NTRK3: variants seen among roughly 807,000 people sequenced by gnomAD.
The protein encoded by NTRK3 is NT-3 growth factor receptor.
NTRK3 carries 24 observed loss-of-function variants against 91.7 expected under a neutral mutation model. The observed-to-expected ratio is 0.26, with a 90% CI of 0.19 to 0.37. The LOEUF is 0.37. NTRK3 is among the 10% of genes least tolerant of loss of function. The pLI, the probability that NTRK3 is intolerant of heterozygous loss-of-function variation, is 1.00. For missense variants in NTRK3, 880 were observed against 1,068.9 expected, an observed-to-expected ratio of 0.82 and a Z score of 2.46; for synonymous variants, 483 against 404.0, an observed-to-expected ratio of 1.20 and a Z score of -2.34.
chr15:88,070,296 A>G (rs1312004753), intron 13 of NTRK3, among the ~76,000 whole-genome samples: 3 of 152,060 alleles, frequency 2.0e-5, no homozygotes, highest in Admixed American at 2.0e-4. Flanking sequence ...TCTACCAGAG[A>G]CAGCAAGAGC....
intron 14 of NTRK3, among the ~76,000 whole-genome samples, chr15:87,992,911 G>GT (rs1463799899): frequency 6.6e-6 from 1 of 152,184 alleles, no homozygotes; most frequent in African/African-American, 2.4e-5. Context: ...TTGAAGTCTT[G>GT]TTTTTTCAGA....
At chr15:88,152,586 A>C (rs2043487894) in intron 5 of NTRK3, among the ~76,000 whole-genome samples, 6 of 152,234 alleles carry the variant, frequency 3.9e-5, no homozygotes, top group Admixed American at 3.9e-4. Flanking sequence ...TAGCCTCCAG[A>C]ACTGTGAGGA....
At chr15:88,024,860 T>C (rs1282533696) in intron 14 of NTRK3, among the ~76,000 whole-genome samples, 1 of 152,206 alleles carries the variant, frequency 6.6e-6, no homozygotes. Flanking sequence ...ATGGACACAT[T>C]GGTTGGTACC....
chr15:87,896,125 C>T (rs1026072782), intron 17 of NTRK3, among the ~76,000 whole-genome samples: 1 of 152,110 alleles, frequency 6.6e-6, no homozygotes, highest in East Asian at 1.9e-4. Context: ...CTCATGAGGG[C>T]TGTGTCTGGC....
exon 19 of NTRK3, chr15:87,863,727 T>G (rs151132385): frequency 6.8e-4 from 156 of 228,076 alleles, no homozygotes; most frequent in African/African-American, 3.1e-3. Flanking sequence ...CCCCACCTAC[T>G]GATTTCTTTT....
intron 14 of NTRK3, among the ~76,000 whole-genome samples, chr15:87,973,253 C>G (rs2073415250): frequency 6.6e-6 from 1 of 152,152 alleles, no homozygotes; most frequent in Non-Finnish European, 1.5e-5. Flanking sequence ...GAAATCTCTT[C>G]CCTTATCAAG....
At chr15:88,027,643 A>C (rs548191108) in intron 14 of NTRK3, among the ~76,000 whole-genome samples, 3 of 152,026 alleles carry the variant, frequency 2.0e-5, no homozygotes, top group African/African-American at 7.3e-5. Flanking sequence ...CGGCCTCCCA[A>C]AGTGCTGGGA....
chr15:88,204,275 T>C (rs2048546641), intron 3 of NTRK3, among the ~76,000 whole-genome samples: 1 of 152,160 alleles, frequency 6.6e-6, no homozygotes, highest in South Asian at 2.1e-4. Flanking sequence ...CTCTCGCCAG[T>C]CTTGGGATTT....
At chr15:88,115,030 T>C (rs183229418) in intron 13 of NTRK3, among the ~76,000 whole-genome samples, 42 of 152,284 alleles carry the variant, frequency 2.8e-4, no homozygotes, top group Admixed American at 2.4e-3. Context: ...AGATAGCCAT[T>C]TGTGAGTATT....
At chr15:88,127,864 G>A (rs910470827) in intron 11 of NTRK3, among the ~76,000 whole-genome samples, 8 of 152,166 alleles carry the variant, frequency 5.3e-5, no homozygotes, top group African/African-American at 1.2e-4. Context: ...GGGAAGCTAA[G>A]TATCAATTTT....
chr15:88,136,125 C>G (rs750135469), intron 8 of NTRK3, 85 bp from the exon 9 acceptor site: 4 of 1,540,030 alleles, frequency 2.6e-6, no homozygotes, highest in African/African-American at 1.4e-5. Flanking sequence ...CTTTAGGAAT[C>G]AAAAGGAAAG....
rs769115698 is a variant in NTRK3, at chr15:88,184,315, A to C, written c.249-16T>G. Reference sequence around the variant, plus strand: ...CTCTATGTGTCTGCAGGGGAGGAGGAAAGGTAACGGTCAGCCAGAAGCAAC... The same window carrying C: ...CTCTATGTGTCTGCAGGGGAGGAGGCAAGGTAACGGTCAGCCAGAAGCAAC... On this transcript the variant is annotated splice_polypyrimidine_tract_variant and intron_variant, in intron 3 of 18. Coordinates refer to ENST00000394480, the Ensembl canonical transcript of NTRK3. 3.7e-6 allele frequency: 6 copies of C among 1,613,446 alleles called. No homozygotes were observed. Among genetic ancestry groups the C allele is most frequent in the Admixed American group, 1.7e-5 (1 of 59,990 alleles).
At chr15:88,140,324 T>C (rs1246588253) in intron 6 of NTRK3, among the ~76,000 whole-genome samples, 1 of 152,188 alleles carries the variant, frequency 6.6e-6, no homozygotes, top group Non-Finnish European at 1.5e-5. Flanking sequence ...TTTCTCAAAG[T>C]ACTCAACCAA....
chr15:88,171,450 C>T (rs2045510803), intron 5 of NTRK3, among the ~76,000 whole-genome samples: 1 of 152,194 alleles, frequency 6.6e-6, no homozygotes, highest in African/African-American at 2.4e-5. Flanking sequence ...AGCTTCTGCT[C>T]TCCCCACATA....
At chr15:87,936,480 T>C in intron 15 of NTRK3, among the ~76,000 whole-genome samples, 1 of 151,560 alleles carries the variant, frequency 6.6e-6, no homozygotes, top group Non-Finnish European at 1.5e-5. Flanking sequence ...AGCTCCCAAC[T>C]CTTCCTGGGT....
chr15:87,994,277 C>T (rs1692871258), intron 14 of NTRK3, among the ~76,000 whole-genome samples: 1 of 152,130 alleles, frequency 6.6e-6, no homozygotes, highest in African/African-American at 2.4e-5. Flanking sequence ...CACCACAGTA[C>T]CTCATATTGT....
intron 5 of NTRK3, among the ~76,000 whole-genome samples, chr15:88,178,995 C>T (rs1055568211): frequency 1.3e-5 from 2 of 152,218 alleles, no homozygotes; most frequent in African/African-American, 4.8e-5. Flanking sequence ...TTAGAGTCCA[C>T]ATCCTGATTC....
Position 88,235,883 on chromosome 15 carries a change from C to T in NTRK3, c.248+20023G>A, listed in dbSNP as rs2348585. On this transcript the variant is annotated intron_variant, in intron 3 of 18. Coordinates refer to ENST00000394480, the Ensembl canonical transcript of NTRK3. This position sits in a 1 kb window ranked among gnomAD's most constrained non-coding sequence, Gnocchi z 5.2. Reference sequence around the variant, plus strand: ...CAGTTGGATGACCTTGAACAAGTGACGCCACCCTTCTTCCCCTCAATTTCT... The same window carrying T: ...CAGTTGGATGACCTTGAACAAGTGATGCCACCCTTCTTCCCCTCAATTTCT... Among the ~76,000 whole-genome samples, 123,908 of 152,184 alleles carry T rather than the reference C, an allele frequency of 0.81. 51,397 individuals are homozygous for T. Among genetic ancestry groups the T allele is most frequent in the East Asian group, 0.97 (5,038 of 5,174 alleles).
At chr15:88,169,130 C>G (rs2045273618) in intron 5 of NTRK3, among the ~76,000 whole-genome samples, 1 of 152,180 alleles carries the variant, frequency 6.6e-6, no homozygotes, top group Non-Finnish European at 1.5e-5. Flanking sequence ...GATGCTGGAA[C>G]TGGTCTTGAG....
Sources: allele counts gnomAD v4.1 joint callset (sites outside exome capture counted in the v4.1 genomes callset), GRCh38; gene constraint gnomAD v4.1.1; non-coding constraint Gnocchi (gnomAD v3.1); transcripts MANE v1.5; gene names NCBI Gene and HGNC (gene_info 2026-07-23, HGNC 2026-07-21).